The following ANKRD18B variants were observed in gnomAD, a reference collection of about 807,000 sequenced individuals.
ANKRD18B encodes the protein ankyrin repeat domain-containing protein 18B.
ANKRD18B carries 75 observed loss-of-function variants against 111.8 expected under a neutral mutation model. That is an observed-to-expected ratio of 0.67 (90% CI 0.56 to 0.81). The LOEUF (loss-of-function observed/expected upper bound fraction) is 0.81. ANKRD18B is among the 40% of genes least tolerant of loss of function. ANKRD18B has a pLI of 0.00. For missense variants in ANKRD18B, 1,038 were observed against 1,225.5 expected (o/e 0.85, Z 2.28); for synonymous variants, 356 against 417.3 (o/e 0.85, Z 1.79).
intron 10 of ANKRD18B, among the ~76,000 whole-genome samples, chr9:33,543,879 G>A (rs1005398420): frequency 4.6e-5 from 7 of 152,118 alleles, no homozygotes; most frequent in Admixed American, 1.3e-4. Context: ...TTTGTAAAGC[G>A]CTGTCACTAG....
chr9:33,569,828 G>A (rs1828742670), intron 17 of ANKRD18B, among the ~76,000 whole-genome samples: 1 of 152,118 alleles, frequency 6.6e-6, no homozygotes, highest in Admixed American at 6.5e-5. Context: ...GAGGACAGGA[G>A]TTTGATACCA....
rs777086432 is a variant in ANKRD18B at position 33,548,300 on chromosome 9, C to T, written c.1512C>T (p.Tyr504=). The T allele has an allele frequency of 6.5e-6, 10 of 1,549,776 alleles. No homozygotes were observed. The Admixed American group carries it at 1.4e-4, about 21-fold the overall frequency. ...HSNLATAINE[Y]NEILERKDLE... Reference sequence around the variant, plus strand: ...ACTTGGCCACTGCTATAAATGAGTACAATGAAATTTTGGAAAGAAAAGACC... The same window carrying T: ...ACTTGGCCACTGCTATAAATGAGTATAATGAAATTTTGGAAAGAAAAGACC... The change falls in exon 11 of 19, where the codon TAC becomes TAT. Residue 504 remains tyrosine, a synonymous_variant. Coordinates refer to ENST00000684830, the MANE Select transcript of ANKRD18B (RefSeq NM_001393611.1).
At chr9:33,574,800 G>A (rs1828837272), downstream of ANKRD18B, among the ~76,000 whole-genome samples, 2 of 152,182 alleles carry the variant, frequency 1.3e-5, no homozygotes, top group African/African-American at 4.8e-5. Context: ...TGTCAGTTCA[G>A]GGGATAGAGG....
chr9:33,547,820 G>T, intron 10 of ANKRD18B, 118 bp from the exon 11 acceptor site: 2 of 692,496 alleles, frequency 2.9e-6, no homozygotes, highest in East Asian at 3.2e-5. Flanking sequence ...TTCTCCAGTT[G>T]GTTATCCACT....
intron 6 of ANKRD18B, among the ~76,000 whole-genome samples, chr9:33,538,700 A>G (rs936731978): frequency 5.3e-5 from 8 of 151,894 alleles, no homozygotes; most frequent in African/African-American, 1.9e-4. Context: ...GCACCACTGC[A>G]CTCCAGCTGG....
intron 14 of ANKRD18B, among the ~76,000 whole-genome samples, chr9:33,558,726 A>T (rs1026990605): frequency 6.6e-6 from 1 of 152,178 alleles, no homozygotes; most frequent in Non-Finnish European, 1.5e-5. Context: ...CAGTTTGGGG[A>T]TTAAAATTAT....
In ANKRD18B at chr9:33,548,583, G is replaced by A. The variant is rs1828399918; in HGVS notation, c.1795G>A (p.Gly599Arg). The A allele has an allele frequency of 6.4e-7, 1 of 1,551,342 alleles. No individual in the cohort carries two copies. The highest frequency in any genetic ancestry group is 1.4e-5 in the African/African-American group (1 of 73,118). ...IKEMKQMHPN[G>R]EAKESQSIGK... The stretch of plus-strand genomic sequence containing the variant: ...GGAAATGAAGCAGATGCATCCAAAT[G>A]GGGAAGCTAAAGAAAGTCAATCCAT... Residue 599 changes from glycine to arginine, a missense_variant, in exon 11 of 19, where the codon GGG becomes AGG. Around this residue, in one of 4 missense-constraint regions of ANKRD18B, gnomAD observed 524 missense variants for 677.9 expected, o/e 0.77. Transcript: ENST00000684830.
At chr9:33,551,260 A>T (rs1828441593) in intron 12 of ANKRD18B, among the ~76,000 whole-genome samples, 1 of 152,222 alleles carries the variant, frequency 6.6e-6, no homozygotes, top group Non-Finnish European at 1.5e-5. Flanking sequence ...TTCACATGTC[A>T]GACAGTTCAA....
At chr9:33,535,935 A>G (rs1828194715) in intron 5 of ANKRD18B, among the ~76,000 whole-genome samples, 1 of 151,682 alleles carries the variant, frequency 6.6e-6, no homozygotes, top group South Asian at 2.1e-4. Context: ...TGTTACATGC[A>G]AATATGTTGT....
Position 33,548,494 on chromosome 9 carries a change from G to C in ANKRD18B, c.1706G>C (p.Arg569Thr). The C allele has an allele frequency of 2.6e-6, 4 of 1,551,162 alleles. No homozygotes were observed. Among genetic ancestry groups the C allele is most frequent in the Non-Finnish European group, 3.5e-6 (4 of 1,146,670 alleles). ...CTCCGTGAGACAAGAGATGCTCTCAGGGAAAAGACATTGGCTTTAGAAAGT... is the reference window on the plus strand; with the variant it reads ...CTCCGTGAGACAAGAGATGCTCTCACGGAAAAGACATTGGCTTTAGAAAGT... ...GKLRETRDALREKTLALESVQ... is the reference protein window; with the variant it reads ...GKLRETRDALTEKTLALESVQ... The change falls in exon 11 of 19, where the codon AGG (arginine) becomes ACG (threonine). Residue 569 changes from arginine (R) to threonine (T), a missense_variant. Coordinates refer to ENST00000684830, the MANE Select transcript of ANKRD18B (RefSeq NM_001393611.1).
intron 4 of ANKRD18B, among the ~76,000 whole-genome samples, chr9:33,534,132 C>T (rs758615334): frequency 6.6e-6 from 1 of 152,098 alleles, no homozygotes; most frequent in African/African-American, 2.4e-5. Context: ...ATTCGTATTA[C>T]ATCATATCCC....
In ANKRD18B at chr9:33,572,424, G is replaced by A. The variant is rs1488019336; in HGVS notation, c.3332G>A (p.Cys1111Tyr). The part of the protein sequence containing the change: ...IFNHKILRKS[C>Y]MI ...AACCATAAAATCTTAAGGAAAAGTTGTATGATTTAAAAGATCATAAAACTT... is the reference window on the plus strand; with the variant it reads ...AACCATAAAATCTTAAGGAAAAGTTATATGATTTAAAAGATCATAAAACTT... Residue 1111 changes from cysteine (C) to tyrosine (Y), a missense_variant, in exon 19 of 19, where the codon TGT (cysteine) becomes TAT (tyrosine). By Grantham distance (194) the Cys-to-Tyr change is radical. Transcript: ENST00000684830. 2 of 1,565,900 alleles carry A rather than the reference G, an allele frequency of 1.3e-6. No individual in the cohort carries two copies. The highest frequency in any genetic ancestry group is 1.7e-6 in the Non-Finnish European group (2 of 1,154,268).
intron 10 of ANKRD18B, among the ~76,000 whole-genome samples, chr9:33,547,656 T>C (rs1055962243): frequency 6.6e-6 from 1 of 151,494 alleles, no homozygotes; most frequent in African/African-American, 2.4e-5. Flanking sequence ...CTTTTCCAAT[T>C]CTGATATTCT....
chr9:33,531,504 A>T (rs1431971465), intron 3 of ANKRD18B, among the ~76,000 whole-genome samples: 3 of 150,988 alleles, frequency 2.0e-5, no homozygotes, highest in African/African-American at 7.3e-5. Flanking sequence ...GGCTTAAGAA[A>T]CAAATCTGGT....
chr9:33,524,302 G>T lies in ANKRD18B; in HGVS notation c.-188G>T. The T allele has an allele frequency of 7.4e-7, 1 of 1,350,084 alleles. No homozygotes were observed. Among genetic ancestry groups the T allele is most frequent in the Non-Finnish European group, 9.6e-7 (1 of 1,037,884 alleles). 83.6% of individuals were successfully genotyped at this position (1,350,084 alleles called of 1,614,324 possible). A position where few individuals can be genotyped will look rare whatever the true frequency, so the allele number is the denominator to read the frequency against. On this transcript the variant is annotated 5_prime_UTR_variant, in exon 1 of 19. Transcript: ENST00000684830. ...GAGGCTGCGAGTGTCGCTGCTGAAG[G>T]CTGTAGTGGACCGGGCTGGATCGCG...
At chr9:33,560,971 AT>A (rs1828597269) in intron 14 of ANKRD18B, among the ~76,000 whole-genome samples, 1 of 152,156 alleles carries the variant, frequency 6.6e-6, no homozygotes, top group African/African-American at 2.4e-5. Context: ...TCTCAAAAAA[AT>A]ATAGTAATAA....
Position 33,527,367 on chromosome 9 carries a change from G to A in ANKRD18B, c.207-1360G>A, listed in dbSNP as rs186193244. Reference sequence around the variant, plus strand: ...GACAGAGTCTCACTCTGTCGCCTAGGCTGGAGTGCAGTGGCGTGATCTCAG... The same window carrying A: ...GACAGAGTCTCACTCTGTCGCCTAGACTGGAGTGCAGTGGCGTGATCTCAG... On this transcript the variant is annotated intron_variant, in intron 1 of 18. Coordinates refer to ENST00000684830, the MANE Select transcript of ANKRD18B (RefSeq NM_001393611.1). 7.1e-3 allele frequency among the ~76,000 whole-genome samples: 1,082 copies of A among 151,954 alleles called. 20 individuals are homozygous for A. Among genetic ancestry groups the A allele is most frequent in the African/African-American group, 0.025 (1,025 of 41,436 alleles).
chr9:33,541,307 A>G (rs1828276143), intron 9 of ANKRD18B, 80 bp downstream of exon 9: 4 of 1,491,910 alleles, frequency 2.7e-6, no homozygotes, highest in Middle Eastern at 1.8e-4. Flanking sequence ...AGTTAATGGT[A>G]TAGTTTCCTT....
At chr9:33,549,376 T>A (rs1016600366) in intron 11 of ANKRD18B, among the ~76,000 whole-genome samples, 3 of 152,108 alleles carry the variant, frequency 2.0e-5, no homozygotes, top group Admixed American at 2.0e-4. Flanking sequence ...CTATGAAATG[T>A]TAGTAGATGC....
Sources: gnomAD v4.1 joint callset for allele counts (sites outside exome capture counted in the v4.1 genomes callset) on GRCh38, gnomAD v4.1.1 for gene constraint, gnomAD v4.1.1 regional missense constraint, MANE v1.5 for transcripts, NCBI Gene and HGNC (gene_info 2026-07-23, HGNC 2026-07-21) for gene names.